The following BCAP31 variants were observed in gnomAD, a reference collection of about 807,000 sequenced individuals.
The protein encoded by BCAP31 is B-cell receptor-associated protein 31.
For synonymous variants in BCAP31, 75 were observed against 80.9 expected (o/e 0.93, Z 0.39); for missense variants, 124 against 193.0 (o/e 0.64, Z 2.12).
chrX:153,724,138 G>A (rs1327074552), intron 1 of BCAP31, 196 bp downstream of exon 1: 1 of 251,490 alleles, frequency 4.0e-6, no homozygotes, highest in Non-Finnish European at 7.3e-6. Context: ...ACCGCCCCCC[G>A]CCCCGCCCCC....
At position 153,703,920 on chromosome X, in the gene BCAP31, A is replaced by T. The variant is rs377495932; in HGVS notation, c.477+39T>A. On this transcript the variant is annotated intron_variant, in intron 5 of 7. Coordinates refer to ENST00000345046, the MANE Select transcript of BCAP31 (RefSeq NM_001256447.2). ...AAGAATGTGGCTCCCACAGTGTAAC[A>T]CCAGGACGCCCCATGGTGGGTCGGG... 4 of 1,202,393 alleles carry T rather than the reference A, an allele frequency of 3.3e-6. No homozygotes were observed. In the African/African-American group the frequency reaches 7.0e-5, roughly 21 times the overall value.
At chrX:153,703,325 G>C (rs1460567217) in intron 5 of BCAP31, among the ~76,000 whole-genome samples, 10 of 111,838 alleles carry the variant, frequency 8.9e-5, no homozygotes, top group Admixed American at 2.8e-4. Context: ...CCTGGCCCCT[G>C]GCCCCTGGCC....
chrX:153,701,984 C>T (rs375099123), intron 7 of BCAP31, 23 bp downstream of exon 7: 166 of 1,195,906 alleles, frequency 1.4e-4, no homozygotes, highest in Non-Finnish European at 1.7e-4. Context: ...CTGCCCTGGG[C>T]GCAGCAATAC....
intron 7 of BCAP31, 99 bp from the exon 8 acceptor site, chrX:153,701,074 T>A: frequency 2.6e-6 from 2 of 769,386 alleles, no homozygotes; most frequent in Non-Finnish European, 3.8e-6. Context: ...TCGGTTCCCC[T>A]CTCTCCTAAC....
chrX:153,723,947 C>T (rs782229179), intron 1 of BCAP31: 61 of 467,376 alleles, frequency 1.3e-4, no homozygotes, highest in Non-Finnish European at 2.2e-4. Context: ...CAGGTCTCGA[C>T]CAAGCACCTC....
intron 2 of BCAP31, among the ~76,000 whole-genome samples, chrX:153,722,653 C>T (rs1235065188): frequency 8.9e-6 from 1 of 112,294 alleles, no homozygotes; most frequent in Non-Finnish European, 1.9e-5. Context: ...AAATTAATCT[C>T]CAATTCACTT....
chrX:153,714,960 G>A (rs1203068867), intron 4 of BCAP31, among the ~76,000 whole-genome samples: 3 of 111,535 alleles, frequency 2.7e-5, no homozygotes, highest in Admixed American at 1.9e-4. Flanking sequence ...TAGGCACTTC[G>A]TAGTGGTCTA....
intron 4 of BCAP31, among the ~76,000 whole-genome samples, chrX:153,705,609 G>A (rs1163330215): frequency 1.8e-5 from 2 of 112,953 alleles, no homozygotes; most frequent in Non-Finnish European, 3.8e-5. Flanking sequence ...AGCGCCCTAG[G>A]AGCCAGAGAG....
intron 2 of BCAP31, 74 bp from the exon 3 acceptor site, chrX:153,721,046 G>A: frequency 1.1e-6 from 1 of 926,277 alleles, no homozygotes; most frequent in Non-Finnish European, 1.5e-6. Flanking sequence ...GAGCAAAATG[G>A]AAATCCAGCT....
At chrX:153,713,364 G>A (rs1206682629) in intron 4 of BCAP31, among the ~76,000 whole-genome samples, 2 of 110,771 alleles carry the variant, frequency 1.8e-5, no homozygotes, top group Non-Finnish European at 3.8e-5. Context: ...AACAGACTCA[G>A]ACTGGCAAGC....
In BCAP31 at chrX:153,720,811, G is replaced by C. The variant is rs1301700629; in HGVS notation, c.193+61C>G. 1.6e-5 allele frequency: 17 copies of C among 1,089,410 alleles called. No homozygotes were observed. In the Admixed American group the frequency reaches 2.3e-4, roughly 15 times the overall value. The allele number at this position is 1,089,410 out of a possible 1,213,427, so 89.8% of individuals were successfully genotyped here. On this transcript the variant is annotated intron_variant, in intron 3 of 7. Transcript: ENST00000345046. ...ATGCTACACATCAAAAGTGGCAAAG[G>C]GTTTTGCAGCAGAGACCAGGGTCTA...
intron 4 of BCAP31, among the ~76,000 whole-genome samples, chrX:153,713,987 G>C (rs1557049631): frequency 1.0e-5 from 1 of 96,783 alleles, no homozygotes; most frequent in African/African-American, 4.1e-5. Flanking sequence ...CAATTCTCCT[G>C]CCTCAGCCTC....
chrX:153,718,211 G>A (rs782277812), intron 3 of BCAP31, among the ~76,000 whole-genome samples: 5 of 108,737 alleles, frequency 4.6e-5, no homozygotes, highest in East Asian at 2.9e-4. Context: ...GCAGCTACTC[G>A]GAAGCTGAGG....
At chrX:153,721,732 A>C (rs1557051106) in intron 2 of BCAP31, among the ~76,000 whole-genome samples, 5 of 107,317 alleles carry the variant, frequency 4.7e-5, no homozygotes, top group Non-Finnish European at 9.6e-5. Flanking sequence ...TACTAAAAAT[A>C]TATATATAAA....
chrX:153,702,650 G>A (rs1280379272), intron 6 of BCAP31, among the ~76,000 whole-genome samples: 17 of 112,301 alleles, frequency 1.5e-4, no homozygotes, highest in African/African-American at 9.7e-5. Context: ...CACTCTGGAC[G>A]GGAAAGCCCC....
intron 4 of BCAP31, among the ~76,000 whole-genome samples, chrX:153,708,669 G>A (rs1444278326): frequency 8.9e-6 from 1 of 112,932 alleles, no homozygotes; most frequent in African/African-American, 3.2e-5. Context: ...GTCAGGTGAC[G>A]CCTCAGGAAG....
chrX:153,715,850 G>A (rs1465127284), intron 3 of BCAP31, among the ~76,000 whole-genome samples, 161 bp from the exon 4 acceptor site: 1 of 110,825 alleles, frequency 9.0e-6, no homozygotes, highest in Non-Finnish European at 1.9e-5. Context: ...CTCATGGGAT[G>A]CTGTTATCAG....
chrX:153,704,541 T>G (rs1450650338), intron 4 of BCAP31, among the ~76,000 whole-genome samples: 1 of 112,282 alleles, frequency 8.9e-6, no homozygotes, highest in African/African-American at 3.2e-5. Context: ...ATCTACCTGA[T>G]GAGGAAGTTA....
chrX:153,700,929 G>A lies in BCAP31; in HGVS notation c.*8C>T. 1 of 1,203,630 alleles carries A rather than the reference G, an allele frequency of 8.3e-7. No individual in the cohort carries two copies. The highest frequency in any genetic ancestry group is 1.1e-6 in the Non-Finnish European group (1 of 891,718). On this transcript the variant is annotated 3_prime_UTR_variant, in exon 8 of 8. Coordinates refer to ENST00000345046, the MANE Select transcript of BCAP31 (RefSeq NM_001256447.2). Reference sequence around the variant, plus strand: ...AAGCCAGCTGCAGGCAGGGGAGGAAGGAGGCCCTTACTCTTCCTTCTTGTC... The same window carrying A: ...AAGCCAGCTGCAGGCAGGGGAGGAAAGAGGCCCTTACTCTTCCTTCTTGTC...
Sources: allele counts gnomAD v4.1 joint callset (sites outside exome capture counted in the v4.1 genomes callset), GRCh38; gene constraint gnomAD v4.1.1; transcripts MANE v1.5; gene names NCBI Gene and HGNC (gene_info 2026-07-23, HGNC 2026-07-21).